Variants in DTNB observed in about 807,000 individuals in gnomAD.
DTNB encodes the protein DTN-B.
In DTNB, 63 loss-of-function variants were observed where a neutral mutation model predicts 90.7. That is an observed-to-expected ratio of 0.69 (90% CI 0.57 to 0.86). The LOEUF (loss-of-function observed/expected upper bound fraction) is 0.86, where lower values mean the gene tolerates loss of function less well. Among genes scored for constraint, DTNB ranks in the 40% least tolerant of loss-of-function variants. The pLI is 0.00. For missense variants in DTNB, 744 were observed against 807.1 expected (o/e 0.92, Z 0.95); for synonymous variants, 277 against 286.7 (o/e 0.97, Z 0.34).
chr2:25,630,844 C>CAA (rs1169600129), intron 3 of DTNB, among the ~76,000 whole-genome samples: 3,146 of 62,434 alleles, frequency 0.05, 60 homozygotes, highest in East Asian at 0.22. Flanking sequence ...AACTCCGTCC[C>CAA]AAAAAAAAAA....
In DTNB at chr2:25,405,181, G is replaced by A. The variant is rs1201720506; in HGVS notation, c.1575+14334C>T. Among the ~76,000 whole-genome samples, 5 of 152,258 alleles carry A rather than the reference G, an allele frequency of 3.3e-5. No individual in the cohort carries two copies. In the East Asian group the frequency reaches 5.8e-4, roughly 18 times the overall value. ...GGGCTCAAGTGATCCATCTGCCTCG[G>A]CTTCTCAAAGTGCTGGGATTATAGG... On this transcript the variant is annotated intron_variant, in intron 16 of 20. Transcript: ENST00000406818.
At chr2:25,554,906 A>C (rs929552091) in intron 8 of DTNB, among the ~76,000 whole-genome samples, 4 of 152,288 alleles carry the variant, frequency 2.6e-5, no homozygotes, top group African/African-American at 9.6e-5. Flanking sequence ...TAAACACCAA[A>C]TTTAAAATAG....
At chr2:25,652,568 C>T in intron 2 of DTNB, 26 bp downstream of exon 2, 1 of 1,582,784 alleles carries the variant, frequency 6.3e-7, no homozygotes, top group Non-Finnish European at 8.6e-7. Context: ...CATTCCCGCA[C>T]ATATGAACAA....
intron 8 of DTNB, among the ~76,000 whole-genome samples, chr2:25,541,065 GA>G (rs1471798083): frequency 7.0e-6 from 1 of 143,234 alleles, no homozygotes; most frequent in Non-Finnish European, 1.5e-5. Flanking sequence ...AAAAAAAAAA[GA>G]AAAGCTAGAT....
chr2:25,612,217 C>G lies in DTNB; in HGVS notation c.363-4896G>C, dbSNP rs559537135. On this transcript the variant is annotated intron_variant, in intron 4 of 20. Coordinates refer to ENST00000406818, the MANE Select transcript of DTNB (RefSeq NM_021907.5). Reference sequence around the variant, plus strand: ...AGAATAAGAAATTATATATGAAAGACAGAATCATATGCAAGGCAGACTAAG... The same window carrying G: ...AGAATAAGAAATTATATATGAAAGAGAGAATCATATGCAAGGCAGACTAAG... Among the ~76,000 whole-genome samples the G allele has an allele frequency of 2.0e-5, 3 of 152,010 alleles. No individual in the cohort carries two copies. In the South Asian group the frequency reaches 6.2e-4, roughly 32 times the overall value.
rs552969509 is a variant in DTNB at position 25,568,209 on chromosome 2, A to C, written c.876+8629T>G. Reference sequence around the variant, plus strand: ...GAAAGGTTGAAGAGTTTCAGTTGGGAAAAATGAAAAAGGTCTGGAGATGGA... The same window carrying C: ...GAAAGGTTGAAGAGTTTCAGTTGGGCAAAATGAAAAAGGTCTGGAGATGGA... On this transcript the variant is annotated intron_variant, in intron 8 of 20. Transcript: ENST00000406818. Among the ~76,000 whole-genome samples, 3 of 152,240 alleles carry C rather than the reference A, an allele frequency of 2.0e-5. No homozygotes were observed. The South Asian group carries it at 6.2e-4, about 32-fold the overall frequency.
At chr2:25,380,742 CAG>C (rs1375758480) in intron 19 of DTNB, among the ~76,000 whole-genome samples, 1 of 152,054 alleles carries the variant, frequency 6.6e-6, no homozygotes, top group Non-Finnish European at 1.5e-5. Flanking sequence ...AGTGCACGTG[CAG>C]AGACAGTGCC....
At chr2:25,416,790 A>AAGGG (rs2048042672) in intron 16 of DTNB, among the ~76,000 whole-genome samples, 1 of 138,956 alleles carries the variant, frequency 7.2e-6, no homozygotes. Flanking sequence ...ACCTGGAAGG[A>AAGGG]AGGAAGGAAG....
intron 2 of DTNB, among the ~76,000 whole-genome samples, chr2:25,651,916 C>A (rs1559391837): frequency 6.6e-6 from 1 of 152,166 alleles, no homozygotes; most frequent in South Asian, 2.1e-4. Context: ...GTTTCCTAAT[C>A]TCTGGTCCAG....
chr2:25,616,354 A>T (rs1340064990), intron 4 of DTNB, among the ~76,000 whole-genome samples: 1 of 152,174 alleles, frequency 6.6e-6, no homozygotes, highest in Non-Finnish European at 1.5e-5. Context: ...ACATTTTCTT[A>T]ATCTTCAAAA....
intron 9 of DTNB, among the ~76,000 whole-genome samples, chr2:25,521,150 AGAT>A (rs1422869237): frequency 6.6e-6 from 1 of 152,188 alleles, no homozygotes; most frequent in Non-Finnish European, 1.5e-5. Flanking sequence ...ATCAAACCAA[AGAT>A]GATGATCATT....
Position 25,589,367 on chromosome 2 carries a change from C to CTTTTTTTT in DTNB, c.603+6711_603+6718dup, listed in dbSNP as rs1169808182. ...GCTTATTCAGGTTTCTTTTTCTTTTCTTTTTTTTTTTTTTTTTTTTTTTTT... is the reference window on the plus strand; with the variant it reads ...GCTTATTCAGGTTTCTTTTTCTTTTCTTTTTTTTTTTTTTTTTTTTTTTTTTTTTTTTT... On this transcript the variant is annotated intron_variant, in intron 6 of 20. Coordinates refer to ENST00000406818, the MANE Select transcript of DTNB (RefSeq NM_021907.5). Among the ~76,000 whole-genome samples, 316 of 57,556 alleles carry CTTTTTTTT rather than the reference C, an allele frequency of 5.5e-3. 43 individuals are homozygous for CTTTTTTTT. The highest frequency in any genetic ancestry group is 0.013 in the East Asian group (21 of 1,634). The allele number at this position is 57,556 out of a possible 152,430, so 37.8% of individuals were successfully genotyped here.
intron 8 of DTNB, among the ~76,000 whole-genome samples, chr2:25,565,043 A>G (rs142601365): frequency 1.6e-3 from 247 of 152,280 alleles, no homozygotes; most frequent in African/African-American, 5.4e-3. Context: ...AGATCATGTC[A>G]TCTGTGAAGA....
chr2:25,620,542 A>T (rs911367860), intron 4 of DTNB, among the ~76,000 whole-genome samples: 3 of 152,192 alleles, frequency 2.0e-5, no homozygotes, highest in African/African-American at 7.2e-5. Context: ...AACAAAAAAA[A>T]TTTTCTGAAA....
chr2:25,586,800 C>T (rs2062522992), intron 6 of DTNB, among the ~76,000 whole-genome samples: 1 of 152,148 alleles, frequency 6.6e-6, no homozygotes, highest in African/African-American at 2.4e-5. Context: ...ACTGGCATTT[C>T]AGTGAGAACT....
At chr2:25,452,475 T>A (rs1007295472) in intron 11 of DTNB, among the ~76,000 whole-genome samples, 2 of 152,234 alleles carry the variant, frequency 1.3e-5, no homozygotes, top group Non-Finnish European at 2.9e-5. Context: ...GCAGATGCTT[T>A]AAGACGACAG....
rs1395455342 is a variant in DTNB at position 25,607,303 on chromosome 2, C to T, written c.381G>A (p.Leu127=). ...AAYDSEGRGK[L]TVFSVKAMLA... is the part of the protein sequence containing the mutation. ...ACATAGCTTTAACTGAAAATACCGTCAACTTGCCTCGGCCCTCACTGCAAA... is the reference window on the plus strand; with the variant it reads ...ACATAGCTTTAACTGAAAATACCGTTAACTTGCCTCGGCCCTCACTGCAAA... Residue 127 remains leucine, a synonymous_variant, in exon 5 of 21, where the codon TTG becomes TTA. Transcript: ENST00000406818. The T allele has an allele frequency of 6.2e-7, 1 of 1,604,500 alleles. No homozygotes were observed. Among genetic ancestry groups the T allele is most frequent in the East Asian group, 2.2e-5 (1 of 44,680 alleles).
intron 1 of DTNB, among the ~76,000 whole-genome samples, chr2:25,653,443 AAAAG>A (rs1237445425): frequency 5.3e-5 from 8 of 149,952 alleles, no homozygotes; most frequent in African/African-American, 1.5e-4. Flanking sequence ...AAAAAAAAAA[AAAAG>A]AAAGAAGGAA....
intron 10 of DTNB, among the ~76,000 whole-genome samples, chr2:25,476,134 T>A (rs2063708079): frequency 6.6e-6 from 1 of 150,658 alleles, no homozygotes; most frequent in African/African-American, 2.4e-5. Context: ...AATGGCACAA[T>A]CTCGGCTCAC....
Sources: gnomAD v4.1 joint callset for allele counts (sites outside exome capture counted in the v4.1 genomes callset) on GRCh38, gnomAD v4.1.1 for gene constraint, MANE v1.5 for transcripts, NCBI Gene and HGNC (gene_info 2026-07-23, HGNC 2026-07-21) for gene names.